The following COMMD10 variants were observed in gnomAD, a reference collection of about 807,000 sequenced individuals.
The protein encoded by COMMD10 is COMM domain containing 10, also known as COMM domain-containing protein 10.
COMMD10 carries 33 observed loss-of-function variants against 28.9 expected under a neutral mutation model. The observed-to-expected ratio is 1.14, with a 90% CI of 0.87 to 1.53. The LOEUF (loss-of-function observed/expected upper bound fraction) is 1.53, where lower values mean the gene tolerates loss of function less well. Ranked by LOEUF, COMMD10 falls within the 40% of genes most tolerant of loss-of-function variation. The pLI, the probability that COMMD10 is intolerant of heterozygous loss-of-function variation, is 0.00. For synonymous variants in COMMD10, 110 were observed against 81.7 expected (o/e 1.35, Z -1.87); for missense variants, 310 against 233.4 (o/e 1.33, Z -2.14).
chr5:116,255,759 C>T (rs978997372), intron 5 of COMMD10: 12 of 134,376 alleles, frequency 8.9e-5, no homozygotes, highest in African/African-American at 4.1e-4. Flanking sequence ...TTATATCTTA[C>T]AGGCAAAAAA....
At chr5:116,087,140 A>G (rs935724525) in intron 1 of COMMD10, among the ~76,000 whole-genome samples, 2 of 152,170 alleles carry the variant, frequency 1.3e-5, no homozygotes, top group East Asian at 1.9e-4. Flanking sequence ...CATAATTGCT[A>G]TTCCTCTCCT....
chr5:116,285,334 A>G (rs1270843002), intron 5 of COMMD10, among the ~76,000 whole-genome samples: 4 of 151,958 alleles, frequency 2.6e-5, no homozygotes, highest in East Asian at 1.9e-4. Flanking sequence ...TTGGGATTCT[A>G]TGTCAGAACA....
At chr5:116,222,196 T>G (rs548891784) in intron 5 of COMMD10, among the ~76,000 whole-genome samples, 1 of 152,318 alleles carries the variant, frequency 6.6e-6, no homozygotes, top group East Asian at 1.9e-4. Context: ...CAAATCTAAT[T>G]TAAGTCTGTT....
At chr5:116,146,856 T>C (rs908320853) in intron 5 of COMMD10, among the ~76,000 whole-genome samples, 4 of 151,906 alleles carry the variant, frequency 2.6e-5, no homozygotes, top group African/African-American at 9.7e-5. Flanking sequence ...GGGAAGATTA[T>C]TCTATTAAGT....
chr5:116,279,749 G>A (rs1391018745), intron 5 of COMMD10, among the ~76,000 whole-genome samples: 1 of 151,842 alleles, frequency 6.6e-6, no homozygotes, highest in Non-Finnish European at 1.5e-5. Context: ...TGAAAATTTT[G>A]TTGGTCTAAT....
rs186742059 is a variant in COMMD10 at position 116,210,103 on chromosome 5, A to G, written c.510+75925A>G. Reference sequence around the variant, plus strand: ...GGCCAAACTTATTCTTTTTATAACTACCTACTTCCTTGATAACTAACTCAC... The same window carrying G: ...GGCCAAACTTATTCTTTTTATAACTGCCTACTTCCTTGATAACTAACTCAC... On this transcript the variant is annotated intron_variant, in intron 5 of 6. Transcript: ENST00000274458. 5.3e-5 allele frequency among the ~76,000 whole-genome samples: 8 copies of G among 152,138 alleles called. No individual in the cohort carries two copies. The East Asian group carries it at 1.4e-3, about 26-fold the overall frequency.
chr5:116,094,048 A>T (rs563897336), intron 4 of COMMD10, among the ~76,000 whole-genome samples: 7 of 152,206 alleles, frequency 4.6e-5, no homozygotes, highest in Non-Finnish European at 1.0e-4. Context: ...CTTAAACATA[A>T]GACCCACAAC....
At chr5:116,159,862 G>T (rs577988065) in intron 5 of COMMD10, among the ~76,000 whole-genome samples, 7 of 152,116 alleles carry the variant, frequency 4.6e-5, no homozygotes, top group Admixed American at 2.6e-4. Context: ...AAACTTAAAT[G>T]TATTGCCTGG....
chr5:116,238,834 A>C (rs1749743278), intron 5 of COMMD10, among the ~76,000 whole-genome samples: 1 of 152,200 alleles, frequency 6.6e-6, no homozygotes, highest in African/African-American at 2.4e-5. Flanking sequence ...TAATACATAC[A>C]TCAGTAATTG....
intron 5 of COMMD10, among the ~76,000 whole-genome samples, chr5:116,198,480 C>G (rs1748585428): frequency 6.6e-6 from 1 of 152,098 alleles, no homozygotes; most frequent in African/African-American, 2.4e-5. Context: ...ATCAGTATCC[C>G]CTATTAGAGT....
At chr5:116,162,363 A>AT (rs1752945986) in intron 5 of COMMD10, among the ~76,000 whole-genome samples, 1 of 152,066 alleles carries the variant, frequency 6.6e-6, no homozygotes, top group Non-Finnish European at 1.5e-5. Context: ...ACCTATTTAA[A>AT]TTTATGAAAT....
chr5:116,290,322 TAAAGG>T (rs1751331119), intron 5 of COMMD10, among the ~76,000 whole-genome samples: 1 of 151,914 alleles, frequency 6.6e-6, no homozygotes, highest in African/African-American at 2.4e-5. Flanking sequence ...ATATCATTCT[TAAAGG>T]AAGAGGCTTT....
chr5:116,111,338 A>G (rs1362186428), intron 4 of COMMD10, among the ~76,000 whole-genome samples: 2 of 148,628 alleles, frequency 1.3e-5, no homozygotes, highest in Non-Finnish European at 3.0e-5. Context: ...TTGCTTTTCT[A>G]GTTCCTTTAG....
At chr5:116,239,155 A>G (rs1749751659) in intron 5 of COMMD10, among the ~76,000 whole-genome samples, 1 of 152,216 alleles carries the variant, frequency 6.6e-6, no homozygotes, top group East Asian at 1.9e-4. Context: ...ATGGCTTTTA[A>G]CAAAATTCCT....
At position 116,171,289 on chromosome 5, in the gene COMMD10, C is replaced by T. The variant is rs145269423; in HGVS notation, c.510+37111C>T. Among the ~76,000 whole-genome samples, 332 of 152,248 alleles carry T rather than the reference C, an allele frequency of 2.2e-3. 2 individuals are homozygous for T. The highest frequency in any genetic ancestry group is 7.3e-3 in the African/African-American group (304 of 41,540). On this transcript the variant is annotated intron_variant, in intron 5 of 6. Transcript: ENST00000274458. ...AACATCACAATGAGATACCATCTCA[C>T]GCCAGTTGGAATGGCGATCATTAAA...
At chr5:116,168,225 CA>C (rs564452457) in intron 5 of COMMD10, among the ~76,000 whole-genome samples, 28 of 147,146 alleles carry the variant, frequency 1.9e-4, no homozygotes, top group Non-Finnish European at 4.0e-4. Context: ...CAACAAAGAT[CA>C]AAAAAGACAA....
intron 5 of COMMD10, among the ~76,000 whole-genome samples, chr5:116,222,346 CTT>C (rs1373002041): frequency 3.3e-5 from 5 of 152,096 alleles, no homozygotes; most frequent in African/African-American, 1.2e-4. Context: ...CCTGAAATCT[CTT>C]TTGGTAAAAA....
chr5:116,196,071 A>G (rs573276726), intron 5 of COMMD10, among the ~76,000 whole-genome samples: 2 of 152,318 alleles, frequency 1.3e-5, no homozygotes, highest in African/African-American at 2.4e-5. Flanking sequence ...TGATCCAGCA[A>G]TCCCACTACT....
intron 5 of COMMD10, among the ~76,000 whole-genome samples, chr5:116,254,750 G>T (rs954153503): frequency 2.0e-5 from 3 of 151,738 alleles, no homozygotes; most frequent in Non-Finnish European, 4.4e-5. Flanking sequence ...GGTGTGGTGT[G>T]GTGCTGACAA....
Sources: gnomAD v4.1 joint callset for allele counts (sites outside exome capture counted in the v4.1 genomes callset) on GRCh38, gnomAD v4.1.1 for gene constraint, MANE v1.5 for transcripts, NCBI Gene and HGNC (gene_info 2026-07-23, HGNC 2026-07-21) for gene names.